BRIX1: variants seen among roughly 807,000 people sequenced by gnomAD.
BRIX1 encodes the protein biogenesis of ribosomes BRX1.
A neutral mutation model predicts 44.0 loss-of-function variants in BRIX1; 15 were observed. The ratio of observed to expected loss-of-function variants is 0.34; its 90% CI spans 0.23 to 0.53. The LOEUF (loss-of-function observed/expected upper bound fraction) is 0.53. Ranked by LOEUF, BRIX1 falls within the 20% of genes least tolerant of loss-of-function variation. BRIX1 has a pLI of 0.95. For synonymous variants in BRIX1, 149 were observed against 135.4 expected, an observed-to-expected ratio of 1.10 and a Z score of -0.70; for missense variants, 420 against 432.8, an observed-to-expected ratio of 0.97 and a Z score of 0.26.
At chr5:34,924,716 C>A in intron 8 of BRIX1, 131 bp from the exon 9 acceptor site, 2 of 561,210 alleles carry the variant, frequency 3.6e-6, no homozygotes, top group South Asian at 6.4e-5. Flanking sequence ...TGCCATTTAC[C>A]AAGTTTCACC....
At position 34,925,706 on chromosome 5, in the gene BRIX1, G is replaced by C; in HGVS notation, c.*211G>C. 3.9e-6 allele frequency: 2 copies of C among 509,720 alleles called. No individual in the cohort carries two copies. Among genetic ancestry groups the C allele is most frequent in the Non-Finnish European group, 6.6e-6 (2 of 304,858 alleles). 31.6% of individuals were successfully genotyped at this position (509,720 alleles called of 1,614,324 possible). On this transcript the variant is annotated 3_prime_UTR_variant, in exon 10 of 10. Coordinates refer to ENST00000336767, the MANE Select transcript of BRIX1 (RefSeq NM_018321.4). Reference sequence around the variant, plus strand: ...AATTTCTGATTTCTTTTTGAAGTTTGTGTTGCTAAAAATGTAGCACACTTA... The same window carrying C: ...AATTTCTGATTTCTTTTTGAAGTTTCTGTTGCTAAAAATGTAGCACACTTA...
chr5:34,919,512 C>T (rs938846298), intron 2 of BRIX1, among the ~76,000 whole-genome samples: 8 of 152,116 alleles, frequency 5.3e-5, no homozygotes, highest in African/African-American at 1.9e-4. Context: ...TTCATTGAAA[C>T]TGGTTTCCTT....
intron 3 of BRIX1, 52 bp from the exon 4 acceptor site, chr5:34,922,165 T>C (rs1286687985): frequency 3.9e-6 from 4 of 1,016,974 alleles, no homozygotes; most frequent in Admixed American, 2.1e-5. Context: ...ATAATTACTT[T>C]AGTTCTCATT....
intron 4 of BRIX1, 42 bp downstream of exon 4, chr5:34,922,329 G>A (rs375838338): frequency 7.2e-6 from 9 of 1,254,394 alleles, no homozygotes; most frequent in Admixed American, 3.9e-5. Flanking sequence ...TCATTTAAGT[G>A]GATTTGTTCT....
At position 34,919,532 on chromosome 5, in the gene BRIX1, C is replaced by A. The variant is rs181382959; in HGVS notation, c.272-308C>A. Among the ~76,000 whole-genome samples, 72 of 152,238 alleles carry A rather than the reference C, an allele frequency of 4.7e-4. 1 individual carries two copies. The highest frequency in any genetic ancestry group is 3.5e-4 in the Non-Finnish European group (24 of 68,008). On this transcript the variant is annotated intron_variant, in intron 2 of 9. Transcript: ENST00000336767. ...TGAAACTGGTTTCCTTTAACACAGT[C>A]TTTGGTTTGTGAGAATTTTCCCATT... is the stretch of plus-strand genomic sequence containing the variant.
intron 8 of BRIX1, 53 bp from the exon 9 acceptor site, chr5:34,924,794 C>T (rs1325431174): frequency 7.7e-7 from 1 of 1,303,486 alleles, no homozygotes; most frequent in Non-Finnish European, 1.1e-6. Context: ...GCCAGTATAC[C>T]TTTTGGGAAT....
chr5:34,917,034 C>G (rs1281615339), intron 1 of BRIX1, among the ~76,000 whole-genome samples: 2 of 151,832 alleles, frequency 1.3e-5, no homozygotes, highest in African/African-American at 4.8e-5. Context: ...TATTTTTACC[C>G]TAGTATAATA....
chr5:34,922,760 T>G lies in BRIX1; in HGVS notation c.502T>G (p.Phe168Val). The G allele has an allele frequency of 6.2e-7, 1 of 1,613,956 alleles. No individual in the cohort carries two copies. The highest frequency in any genetic ancestry group is 8.5e-7 in the Non-Finnish European group (1 of 1,179,860). The stretch of plus-strand genomic sequence containing the variant: ...GAAAGGTTCTCGGCCCCTTTTGTCT[T>G]TTGACCCTGTAAGTTTCTCATTCAG... ...CLKGSRPLLS[F>V]DPAFDELPHY... The change falls in exon 6 of 10, where the codon TTT (phenylalanine) becomes GTT (valine). Residue 168 changes from phenylalanine (F) to valine (V), a missense_variant. By Grantham distance (50) the Phe-to-Val change is conservative. Transcript: ENST00000336767.
chr5:34,916,122 C>G, intron 1 of BRIX1: 1 of 439,368 alleles, frequency 2.3e-6, no homozygotes. Context: ...CTTTACCCGG[C>G]CCACGGGGAA....
chr5:34,922,441 ATG>A, intron 4 of BRIX1, 96 bp from the exon 5 acceptor site: 1 of 916,886 alleles, frequency 1.1e-6, no homozygotes, highest in Non-Finnish European at 1.7e-6. Context: ...AGAAAATTAA[ATG>A]TATAAATATT....
At chr5:34,923,830 GTCTTATA>G in intron 8 of BRIX1, among the ~76,000 whole-genome samples, 1 of 152,266 alleles carries the variant, frequency 6.6e-6, no homozygotes, top group East Asian at 1.9e-4. Context: ...ACTATGTACT[GTCTTATA>G]TCTTAAGTGA....
rs1456542225 is a variant in BRIX1 at position 34,922,876 on chromosome 5, A to G, written c.510+108A>G. The G allele has an allele frequency of 4.8e-6, 6 of 1,250,444 alleles. No homozygotes were observed. The East Asian group carries it at 1.4e-4, about 29-fold the overall frequency. The allele number at this position is 1,250,444 out of a possible 1,614,324, so 77.5% of individuals were successfully genotyped here. A position where few individuals can be genotyped will look rare whatever the true frequency, so the allele number is the denominator to read the frequency against. On this transcript the variant is annotated intron_variant, in intron 6 of 9. Transcript: ENST00000336767. ...TTAGTTTCACCCCCACCTTGGTTTT[A>G]TGGATTATCAATTCTTTCAGGTACA...
chr5:34,923,278 GTTTA>G (rs1764280824), intron 8 of BRIX1, 44 bp downstream of exon 8: 3 of 1,395,830 alleles, frequency 2.1e-6, no homozygotes, highest in Non-Finnish European at 2.0e-6. Context: ...TTTTAATTGA[GTTTA>G]TTTATTTATG....
In BRIX1 at chr5:34,919,864, A is replaced by C. The variant is rs770032382; in HGVS notation, c.296A>C (p.Lys99Thr). ...GATACTAAAATGGATCGTAAGGATA[A>C]GCTATTTGTGATTAACGAGGTAATT... ...KADTKMDRKDKLFVINEVCEM... is the reference protein window; with the variant it reads ...KADTKMDRKDTLFVINEVCEM... The change falls in exon 3 of 10, where the codon AAG (lysine) becomes ACG (threonine). Residue 99 changes from lysine (K) to threonine (T), a missense_variant. Transcript: ENST00000336767. 5 of 1,200,604 alleles carry C rather than the reference A, an allele frequency of 4.2e-6. No individual in the cohort carries two copies. Among genetic ancestry groups the C allele is most frequent in the Non-Finnish European group, 6.0e-6 (5 of 839,856 alleles). 74.4% of individuals were successfully genotyped at this position (1,200,604 alleles called of 1,614,324 possible).
intron 2 of BRIX1, chr5:34,918,709 T>A: frequency 2.7e-6 from 1 of 368,202 alleles, no homozygotes; most frequent in South Asian, 6.5e-5. Context: ...TATTGAAACA[T>A]TTCTTGAAGG....
intron 4 of BRIX1, 52 bp from the exon 5 acceptor site, chr5:34,922,487 G>A: frequency 8.9e-7 from 1 of 1,128,194 alleles, no homozygotes; most frequent in Non-Finnish European, 1.3e-6. Context: ...TAGGTGGTAA[G>A]CATTGACTAC....
intron 4 of BRIX1, 125 bp downstream of exon 4, chr5:34,922,412 C>G: frequency 1.1e-6 from 1 of 892,446 alleles, no homozygotes; most frequent in Non-Finnish European, 1.7e-6. Context: ...TTTGATTTCA[C>G]GAAACTTGAT....
At chr5:34,918,817 CTTTT>C (rs34618448) in intron 2 of BRIX1, 6 of 132,364 alleles carry the variant, frequency 4.5e-5, no homozygotes, top group East Asian at 2.2e-4. Context: ...CTTTTTGGGC[CTTTT>C]TTTTTTTTTT....
chr5:34,918,330 T>G (rs1188850163), intron 1 of BRIX1, 34 bp from the exon 2 acceptor site: 1 of 1,140,838 alleles, frequency 8.8e-7, no homozygotes, highest in East Asian at 2.4e-5. Flanking sequence ...CAGTATAAGA[T>G]TTTAAAATCT....
Sources: gnomAD v4.1 joint callset for allele counts (sites outside exome capture counted in the v4.1 genomes callset) on GRCh38, gnomAD v4.1.1 for gene constraint, MANE v1.5 for transcripts, NCBI Gene and HGNC (gene_info 2026-07-23, HGNC 2026-07-21) for gene names.